Variants in THSD7A observed in about 807,000 individuals in gnomAD.
THSD7A encodes thrombospondin type 1 domain containing 7A.
Under a neutral mutation model 231.3 loss-of-function variants are expected in THSD7A, and 96 were observed. The observed-to-expected ratio is 0.41, with a 90% CI of 0.35 to 0.49. The LOEUF (loss-of-function observed/expected upper bound fraction) is 0.49. Among genes scored for constraint, THSD7A ranks in the 20% least tolerant of loss-of-function variants. The probability of loss-of-function intolerance (pLI) is 0.05; values close to 1 mark genes in which losing one functional copy is unlikely to be tolerated. For synonymous variants in THSD7A, 940 were observed against 743.3 expected (o/e 1.26, Z -4.30); for missense variants, 2,290 against 2,070.2 (o/e 1.11, Z -2.06).
intron 4 of THSD7A, among the ~76,000 whole-genome samples, chr7:11,563,754 T>C (rs1790177753): frequency 6.6e-6 from 1 of 152,196 alleles, no homozygotes; most frequent in African/African-American, 2.4e-5. Context: ...TGAGTTCATT[T>C]TCTATATCAT....
At chr7:11,524,286 C>T (rs1192458854) in intron 6 of THSD7A, among the ~76,000 whole-genome samples, 1 of 152,060 alleles carries the variant, frequency 6.6e-6, no homozygotes, top group Admixed American at 6.6e-5. Context: ...AGATGTATGA[C>T]AATCTTGGCG....
At chr7:11,475,439 C>T (rs1240471001) in intron 7 of THSD7A, among the ~76,000 whole-genome samples, 2 of 151,782 alleles carry the variant, frequency 1.3e-5, no homozygotes, top group Admixed American at 6.6e-5. Flanking sequence ...GTGAAGCCTG[C>T]GTAAGTCCTG....
At position 11,411,186 on chromosome 7, in the gene THSD7A, T is replaced by C. The variant is rs774037709; in HGVS notation, c.3798+21A>G. ...TTAGGGAAGAATTTACTCGCGAAGA[T>C]ATAACACAGCATCCACCTACCGCTT... On this transcript the variant is annotated intron_variant, in intron 19 of 27. Transcript: ENST00000423059. The surrounding 1 kb of genome is among the most constrained non-coding windows in gnomAD (Gnocchi z 4.1). 1.9e-6 allele frequency: 3 copies of C among 1,578,226 alleles called. No individual in the cohort carries two copies. Among genetic ancestry groups the C allele is most frequent in the Non-Finnish European group, 2.6e-6 (3 of 1,148,344 alleles).
At chr7:11,769,155 T>TATATATATATA (rs1562541467) in intron 1 of THSD7A, among the ~76,000 whole-genome samples, 3 of 39,966 alleles carry the variant, frequency 7.5e-5, no homozygotes, top group East Asian at 1.5e-3. Context: ...ATATATATAT[T>TATATATATATA]TTTTTTTTTT....
intron 23 of THSD7A, among the ~76,000 whole-genome samples, chr7:11,395,152 A>G (rs1174050310): frequency 6.6e-6 from 1 of 152,134 alleles, no homozygotes; most frequent in African/African-American, 2.4e-5. Context: ...AGCAAAAAAA[A>G]AAAAAGCAGG....
intron 4 of THSD7A, among the ~76,000 whole-genome samples, chr7:11,544,268 G>A (rs2128323646): frequency 6.6e-6 from 1 of 152,240 alleles, no homozygotes; most frequent in East Asian, 1.9e-4. Context: ...CTTGAACCTG[G>A]GAGGCAGAGG....
intron 7 of THSD7A, among the ~76,000 whole-genome samples, chr7:11,479,885 GTATTATA>G (rs1465377022): frequency 2.6e-5 from 3 of 117,386 alleles, no homozygotes; most frequent in African/African-American, 9.4e-5. Context: ...TTACAATAAT[GTATTATA>G]TATTTCAAAA....
In THSD7A at chr7:11,637,088, T is replaced by C. The variant is rs923941532; in HGVS notation, c.191-127A>G. The C allele has an allele frequency of 9.8e-6, 8 of 816,390 alleles. No individual in the cohort carries two copies. Among genetic ancestry groups the C allele is most frequent in the African/African-American group, 8.6e-5 (5 of 57,936 alleles). 50.6% of individuals were successfully genotyped at this position (816,390 alleles called of 1,614,324 possible). A position where few individuals can be genotyped will look rare whatever the true frequency, so the allele number is the denominator to read the frequency against. On this transcript the variant is annotated intron_variant, in intron 1 of 27. Coordinates refer to ENST00000423059, the MANE Select transcript of THSD7A (RefSeq NM_015204.3). The surrounding 1 kb of genome is among the most constrained non-coding windows in gnomAD (Gnocchi z 4.2). ...CCTGCGGTGTTACAAAGTAGGTCTC[T>C]GGACACGACTGTTGGAAAGTAATGA...
At chr7:11,618,901 G>A (rs1025224476) in intron 2 of THSD7A, among the ~76,000 whole-genome samples, 2 of 151,792 alleles carry the variant, frequency 1.3e-5, no homozygotes, top group East Asian at 1.9e-4. Context: ...TCACCTAAAT[G>A]TTAATAGGGT....
chr7:11,523,264 A>G (rs994889149), intron 6 of THSD7A, among the ~76,000 whole-genome samples: 2 of 152,112 alleles, frequency 1.3e-5, no homozygotes, highest in African/African-American at 4.8e-5. Context: ...AAGTCTTTAT[A>G]GTAATATGAA....
At chr7:11,781,970 T>A (rs1783645631) in intron 1 of THSD7A, among the ~76,000 whole-genome samples, 2 of 152,172 alleles carry the variant, frequency 1.3e-5, no homozygotes, top group Admixed American at 1.3e-4. Context: ...CTTAGCAGCA[T>A]CCTTAGCCTC....
intron 2 of THSD7A, among the ~76,000 whole-genome samples, chr7:11,626,260 C>A (rs1374660447): frequency 6.6e-6 from 1 of 151,750 alleles, no homozygotes; most frequent in Non-Finnish European, 1.5e-5. Context: ...TCTTACAACA[C>A]AAAATAATAA....
chr7:11,397,984 C>G (rs1337828939), intron 23 of THSD7A, among the ~76,000 whole-genome samples: 1 of 151,886 alleles, frequency 6.6e-6, no homozygotes, highest in Non-Finnish European at 1.5e-5. Context: ...TTGTGGAACA[C>G]AGCATGGTGA....
At chr7:11,622,481 C>A (rs889855014) in intron 2 of THSD7A, among the ~76,000 whole-genome samples, 4 of 152,004 alleles carry the variant, frequency 2.6e-5, no homozygotes, top group East Asian at 3.8e-4. Flanking sequence ...GGATTTTATA[C>A]CTACTTTAAA....
intron 5 of THSD7A, among the ~76,000 whole-genome samples, chr7:11,542,333 A>C (rs1789187815): frequency 6.6e-6 from 1 of 152,216 alleles, no homozygotes; most frequent in South Asian, 2.1e-4. Flanking sequence ...TCACTAGAAG[A>C]CTGGTCTTTG....
Position 11,636,419 on chromosome 7 carries a change from G to C in THSD7A, c.733C>G (p.Pro245Ala). 6.2e-7 allele frequency: 1 copy of C among 1,613,672 alleles called. No homozygotes were observed. Among genetic ancestry groups the C allele is most frequent in the Non-Finnish European group, 8.5e-7 (1 of 1,179,854 alleles). Residue 245 changes from proline to alanine, a missense_variant, in exon 2 of 28, where the codon CCA (proline) becomes GCA (alanine). Pro to Ala is a conservative substitution (Grantham distance 27). Coordinates refer to ENST00000423059, the MANE Select transcript of THSD7A (RefSeq NM_015204.3). This position sits in a 1 kb window ranked among gnomAD's most constrained non-coding sequence, Gnocchi z 10.0. ...TACCTGAGCTCCTCGGCCTCGCATGGACTGGATTGGCACACCTGGAACTCC... is the reference window on the plus strand; with the variant it reads ...TACCTGAGCTCCTCGGCCTCGCATGCACTGGATTGGCACACCTGGAACTCC... ...LTEFQVCQSS[P>A]CEAEELRYSL...
chr7:11,824,805 A>G (rs1483317715), intron 1 of THSD7A, among the ~76,000 whole-genome samples: 3 of 152,176 alleles, frequency 2.0e-5, no homozygotes, highest in Non-Finnish European at 4.4e-5. Flanking sequence ...TGTATAAAAT[A>G]CAAGCAACTA....
At chr7:11,706,396 A>C (rs1212204619) in intron 1 of THSD7A, among the ~76,000 whole-genome samples, 2 of 150,924 alleles carry the variant, frequency 1.3e-5, no homozygotes, top group African/African-American at 4.8e-5. Flanking sequence ...AAACATGATG[A>C]GTCTTAAGAA....
At chr7:11,508,267 A>G (rs1787641780) in intron 6 of THSD7A, among the ~76,000 whole-genome samples, 1 of 152,214 alleles carries the variant, frequency 6.6e-6, no homozygotes, top group African/African-American at 2.4e-5. Context: ...TAAGGACTAG[A>G]TAGACATTTC....
Sources: gnomAD v4.1 joint callset for allele counts (sites outside exome capture counted in the v4.1 genomes callset) on GRCh38, gnomAD v4.1.1 for gene constraint, Gnocchi (gnomAD v3.1) non-coding constraint, MANE v1.5 for transcripts, NCBI Gene and HGNC (gene_info 2026-07-23, HGNC 2026-07-21) for gene names.